CEP89: variants seen among roughly 807,000 people sequenced by gnomAD.
CEP89 encodes the protein centrosomal protein of 89 kDa.
CEP89 carries 95 observed loss-of-function variants against 97.6 expected under a neutral mutation model. The ratio of observed to expected loss-of-function variants is 0.97; its 90% CI spans 0.82 to 1.15. CEP89 has a LOEUF of 1.15. Ranked by LOEUF, CEP89 falls within the 50% of genes most tolerant of loss-of-function variation. CEP89 has a pLI of 0.00. For missense variants in CEP89, 869 were observed against 947.7 expected (o/e 0.92, Z 1.09); for synonymous variants, 354 against 349.1 (o/e 1.01, Z -0.16).
chr19:32,904,654 C>A (rs1969852746), intron 14 of CEP89, among the ~76,000 whole-genome samples: 1 of 151,032 alleles, frequency 6.6e-6, no homozygotes, highest in African/African-American at 2.4e-5. Flanking sequence ...TGCAGTGGCG[C>A]CACCTCCACT....
chr19:32,887,988 G>GGGGA, intron 16 of CEP89, 147 bp from the exon 17 acceptor site: 1 of 622,544 alleles, frequency 1.6e-6, no homozygotes, highest in Non-Finnish European at 2.8e-6. Context: ...CCCACTGTGT[G>GGGGA]AGGGCCTGGG....
intron 14 of CEP89, among the ~76,000 whole-genome samples, chr19:32,910,498 T>G (rs978842007): frequency 6.6e-6 from 1 of 152,222 alleles, no homozygotes; most frequent in South Asian, 2.1e-4. Context: ...TTAAATTATT[T>G]TTAAAATTGT....
At chr19:32,952,245 C>T (rs1251621288) in intron 4 of CEP89, among the ~76,000 whole-genome samples, 2 of 151,830 alleles carry the variant, frequency 1.3e-5, no homozygotes, top group Non-Finnish European at 2.9e-5. Context: ...CTTTGGGAGC[C>T]CGAAGCAAGA....
chr19:32,926,188 A>G lies in CEP89; in HGVS notation c.1164+2T>C. 1 of 1,605,932 alleles carries G rather than the reference A, an allele frequency of 6.2e-7. No individual in the cohort carries two copies. Among genetic ancestry groups the G allele is most frequent in the Non-Finnish European group, 8.5e-7 (1 of 1,172,974 alleles). ...TGTCTTCTGGGACATTTGCCAGCCT[A>G]CCTTGAGGGTGGCATTGAGCTCGTC... On this transcript the variant is annotated splice_donor_variant, in intron 11 of 18. Transcript: ENST00000305768. LOFTEE classifies it high-confidence loss of function.
intron 2 of CEP89, among the ~76,000 whole-genome samples, chr19:32,965,026 C>T (rs779989968): frequency 4.6e-5 from 7 of 152,082 alleles, no homozygotes; most frequent in Non-Finnish European, 8.8e-5. Context: ...CAGCCTTAGC[C>T]TCCCGAGTAT....
intron 5 of CEP89, among the ~76,000 whole-genome samples, chr19:32,947,344 G>T (rs993276753): frequency 1.3e-5 from 2 of 152,080 alleles, no homozygotes; most frequent in Non-Finnish European, 2.9e-5. Flanking sequence ...CTTTCCCCAA[G>T]CACTGGGACT....
intron 6 of CEP89, 31 bp downstream of exon 6, chr19:32,939,826 G>A: frequency 4.0e-6 from 4 of 1,010,348 alleles, no homozygotes; most frequent in African/African-American, 1.6e-5. Flanking sequence ...TATTTATTGA[G>A]AAAATCAGTT....
intron 16 of CEP89, among the ~76,000 whole-genome samples, chr19:32,889,629 GA>G (rs1969471420): frequency 6.6e-6 from 1 of 152,168 alleles, no homozygotes; most frequent in African/African-American, 2.4e-5. Flanking sequence ...GAGGGTCTGG[GA>G]GGATCCTGAC....
At chr19:32,911,795 G>A (rs12609689) in intron 14 of CEP89, among the ~76,000 whole-genome samples, 56,721 of 152,066 alleles carry the variant, frequency 0.37, 10,908 homozygotes, top group Non-Finnish European at 0.41. Context: ...CCACACCAAT[G>A]CTATGGAGGG....
chr19:32,921,275 C>T (rs1192489470), intron 12 of CEP89, among the ~76,000 whole-genome samples: 2 of 151,868 alleles, frequency 1.3e-5, no homozygotes, highest in Non-Finnish European at 2.9e-5. Context: ...GTGTGAAGTC[C>T]GTGTACCGAG....
intron 2 of CEP89, among the ~76,000 whole-genome samples, chr19:32,962,433 C>T (rs541054660): frequency 3.3e-5 from 5 of 152,278 alleles, no homozygotes; most frequent in African/African-American, 1.2e-4. Context: ...AGTGTGAGAA[C>T]GGACTAATAC....
chr19:32,938,196 G>A (rs941309672), intron 6 of CEP89, among the ~76,000 whole-genome samples: 1 of 152,110 alleles, frequency 6.6e-6, no homozygotes, highest in East Asian at 1.9e-4. Context: ...AGTCCTGCCT[G>A]AGCTTTCTTC....
chr19:32,881,242 A>G (rs754531112), intron 18 of CEP89, among the ~76,000 whole-genome samples: 1 of 152,164 alleles, frequency 6.6e-6, no homozygotes, highest in Non-Finnish European at 1.5e-5. Context: ...TTGAGGCTGC[A>G]GTAAGCTATG....
In CEP89 at chr19:32,959,954, A is replaced by G; in HGVS notation, c.251T>C (p.Val84Ala). The G allele has an allele frequency of 6.2e-7, 1 of 1,614,178 alleles. No individual in the cohort carries two copies. Among genetic ancestry groups the G allele is most frequent in the East Asian group, 2.2e-5 (1 of 44,886 alleles). The change falls in exon 3 of 19, where the codon GTT (valine) becomes GCT (alanine). Residue 84 changes from valine (V) to alanine (A), a missense_variant. By Grantham distance (64) the Val-to-Ala change is moderately conservative (BLOSUM62 0). Coordinates refer to ENST00000305768, the MANE Select transcript of CEP89 (RefSeq NM_032816.5). ...RSRSESDVSS[V>A]EQDSFIEPYA... is the part of the protein sequence containing the mutation. The stretch of plus-strand genomic sequence containing the variant: ...GGGCTCGATGAAGCTGTCCTGTTCA[A>G]CACTGCTCACATCACTCTCAGACCG...
intron 2 of CEP89, among the ~76,000 whole-genome samples, chr19:32,963,248 T>C (rs1971205645): frequency 6.6e-6 from 1 of 151,940 alleles, no homozygotes; most frequent in Non-Finnish European, 1.5e-5. Flanking sequence ...CCCAGCTACT[T>C]AGGAGGCTGA....
chr19:32,892,386 C>G (rs930954003), intron 16 of CEP89, among the ~76,000 whole-genome samples: 2 of 151,252 alleles, frequency 1.3e-5, no homozygotes, highest in Admixed American at 6.6e-5. Flanking sequence ...TCACTGTAGC[C>G]TCTGCCTCCT....
intron 1 of CEP89, among the ~76,000 whole-genome samples, chr19:32,967,776 G>C (rs556444449): frequency 6.6e-6 from 1 of 152,350 alleles, no homozygotes; most frequent in East Asian, 1.9e-4. Context: ...AAGGAATGGA[G>C]CAAGACATTG....
At chr19:32,952,980 T>G (rs1202974838) in intron 4 of CEP89, among the ~76,000 whole-genome samples, 3 of 149,308 alleles carry the variant, frequency 2.0e-5, no homozygotes, top group Non-Finnish European at 4.4e-5. Context: ...AAAAGGGATA[T>G]GGTGCTATAT....
intron 4 of CEP89, among the ~76,000 whole-genome samples, chr19:32,951,534 T>TAC (rs60580377): frequency 0.012 from 1,481 of 121,946 alleles, 29 homozygotes; most frequent in East Asian, 0.079. Flanking sequence ...TATATATATA[T>TAC]ACACACACAC....
Sources: gnomAD v4.1 joint callset for allele counts (sites outside exome capture counted in the v4.1 genomes callset) on GRCh38, gnomAD v4.1.1 for gene constraint, MANE v1.5 for transcripts, NCBI Gene and HGNC (gene_info 2026-07-23, HGNC 2026-07-21) for gene names.